The following ZNRF3 variants were observed in gnomAD, a reference collection of about 807,000 sequenced individuals.
ZNRF3 encodes the protein E3 ubiquitin-protein ligase ZNRF3.
In ZNRF3, 23 loss-of-function variants were observed where a neutral mutation model predicts 72.5. That is an observed-to-expected ratio of 0.32 (90% CI 0.23 to 0.45). ZNRF3 has a LOEUF of 0.45. Ranked by LOEUF, ZNRF3 falls within the 20% of genes least tolerant of loss-of-function variation. The probability of loss-of-function intolerance (pLI) is 1.00; values close to 1 mark genes in which losing one functional copy is unlikely to be tolerated. For synonymous variants in ZNRF3, 610 were observed against 545.3 expected (o/e 1.12, Z -1.65); for missense variants, 1,169 against 1,272.1 (o/e 0.92, Z 1.23).
At chr22:28,897,698 T>C (rs1209692491) in intron 1 of ZNRF3, among the ~76,000 whole-genome samples, 2 of 152,234 alleles carry the variant, frequency 1.3e-5, no homozygotes, top group Non-Finnish European at 2.9e-5. Flanking sequence ...TGCTTTCCAC[T>C]GTCTTTTTCC....
chr22:28,957,561 T>TC (rs1292376539), intron 1 of ZNRF3, among the ~76,000 whole-genome samples: 1 of 152,066 alleles, frequency 6.6e-6, no homozygotes, highest in Non-Finnish European at 1.5e-5. Context: ...TGCCCCAGCC[T>TC]CCCAAGTAGC....
intron 1 of ZNRF3, among the ~76,000 whole-genome samples, chr22:28,921,869 G>A: frequency 6.6e-6 from 1 of 152,160 alleles, no homozygotes; most frequent in East Asian, 1.9e-4. Flanking sequence ...ATTAACTAGA[G>A]AGATTTTTAA....
intron 1 of ZNRF3, among the ~76,000 whole-genome samples, chr22:28,902,818 G>A (rs1451194608): frequency 6.6e-6 from 1 of 152,176 alleles, no homozygotes; most frequent in Non-Finnish European, 1.5e-5. Flanking sequence ...GTGGGGATGA[G>A]GTTGAAGAAA....
intron 1 of ZNRF3, among the ~76,000 whole-genome samples, chr22:28,902,578 CTT>C (rs780895912): frequency 7.2e-5 from 11 of 152,122 alleles, no homozygotes; most frequent in Non-Finnish European, 1.3e-4. Flanking sequence ...ATGTTGTAAA[CTT>C]TGCAGAACAA....
chr22:29,008,501 G>A (rs1236194952), intron 2 of ZNRF3, among the ~76,000 whole-genome samples: 1 of 152,208 alleles, frequency 6.6e-6, no homozygotes, highest in Non-Finnish European at 1.5e-5. Context: ...GTGAAGAGGG[G>A]CTTGAAGTTC....
In ZNRF3 at chr22:29,046,986, T is replaced by C. The variant is rs1252449501; in HGVS notation, c.912+103T>C. 3.4e-6 allele frequency: 4 copies of C among 1,161,082 alleles called. No homozygotes were observed. In the African/African-American group the frequency reaches 6.3e-5, roughly 18 times the overall value. The allele number at this position is 1,161,082 out of a possible 1,614,324, so 71.9% of individuals were successfully genotyped here. On this transcript the variant is annotated intron_variant, in intron 6 of 8. Coordinates refer to ENST00000544604, the MANE Select transcript of ZNRF3 (RefSeq NM_001206998.2). Reference sequence around the variant, plus strand: ...AGGGCCCTGTGTTCCATCACACACATCAACTTTTAGAGTCACTCTTCTGAA... The same window carrying C: ...AGGGCCCTGTGTTCCATCACACACACCAACTTTTAGAGTCACTCTTCTGAA...
chr22:28,926,550 G>A (rs965239976), intron 1 of ZNRF3, among the ~76,000 whole-genome samples: 4 of 150,870 alleles, frequency 2.7e-5, no homozygotes, highest in African/African-American at 9.8e-5. Flanking sequence ...GCGCACACCT[G>A]TAATCCCAGC....
At chr22:28,931,674 C>T (rs937674219) in intron 1 of ZNRF3, among the ~76,000 whole-genome samples, 3 of 152,172 alleles carry the variant, frequency 2.0e-5, no homozygotes, top group Admixed American at 6.5e-5. Context: ...TCCACCTACC[C>T]ATCCGTCTGT....
In ZNRF3 at chr22:28,884,061, G is replaced by T; in HGVS notation, c.295G>T (p.Val99Leu). The stretch of plus-strand genomic sequence containing the variant: ...CACGCTCAGCGCCGAGGGCGAGATC[G>T]TGCAGGTAGCTGCCCGCCGCCCGGG... ...GATLSAEGEI[V>L]QMHPLGLCNN... Residue 99 changes from valine (V) to leucine (L), a missense_variant, in exon 1 of 9, where the codon GTG (valine) becomes TTG (leucine). Val to Leu is a conservative substitution (Grantham distance 32). This residue lies in a region of ZNRF3 where 386 missense variants were observed against 540.7 expected (regional missense o/e 0.71). Coordinates refer to ENST00000544604, the MANE Select transcript of ZNRF3 (RefSeq NM_001206998.2). 1 of 1,258,300 alleles carries T rather than the reference G, an allele frequency of 7.9e-7. No homozygotes were observed. The highest frequency in any genetic ancestry group is 3.0e-4 in the Middle Eastern group (1 of 3,288). The allele number at this position is 1,258,300 out of a possible 1,614,324, so 77.9% of individuals were successfully genotyped here.
At chr22:28,955,092 G>T (rs1431319121) in intron 1 of ZNRF3, among the ~76,000 whole-genome samples, 2 of 148,902 alleles carry the variant, frequency 1.3e-5, no homozygotes, top group Non-Finnish European at 3.0e-5. Flanking sequence ...CCAGGCTGGA[G>T]TACAGTGGTG....
chr22:28,925,701 G>A (rs892265062), intron 1 of ZNRF3, among the ~76,000 whole-genome samples: 1 of 152,096 alleles, frequency 6.6e-6, no homozygotes, highest in African/African-American at 2.4e-5. Flanking sequence ...TGCATGTGAT[G>A]GGGTTTTTTG....
At chr22:29,014,098 T>A (rs1185426220) in intron 2 of ZNRF3, among the ~76,000 whole-genome samples, 1 of 152,172 alleles carries the variant, frequency 6.6e-6, no homozygotes, top group Non-Finnish European at 1.5e-5. Context: ...TCTGTCCTGG[T>A]CGTTTCTGTG....
At chr22:28,900,368 A>C (rs898329695) in intron 1 of ZNRF3, among the ~76,000 whole-genome samples, 4 of 152,250 alleles carry the variant, frequency 2.6e-5, no homozygotes, top group Non-Finnish European at 5.9e-5. Context: ...GGAAGGAAAC[A>C]TCCCTGGCAT....
At chr22:28,976,461 G>T (rs1221535133) in intron 1 of ZNRF3, among the ~76,000 whole-genome samples, 1 of 152,130 alleles carries the variant, frequency 6.6e-6, no homozygotes, top group Non-Finnish European at 1.5e-5. Flanking sequence ...AGCCAAGATT[G>T]TGCCTCTACA....
chr22:29,011,444 C>T (rs2036345636), intron 2 of ZNRF3, among the ~76,000 whole-genome samples: 1 of 152,170 alleles, frequency 6.6e-6, no homozygotes. Flanking sequence ...AGGATGCAGC[C>T]TTGGCTGGCA....
intron 1 of ZNRF3, among the ~76,000 whole-genome samples, chr22:28,978,684 G>A (rs1451852663): frequency 6.6e-6 from 1 of 152,148 alleles, no homozygotes; most frequent in Non-Finnish European, 1.5e-5. Context: ...TAATAAAAAA[G>A]AGCATTATCT....
At chr22:29,028,511 G>A (rs1274822114) in intron 2 of ZNRF3, among the ~76,000 whole-genome samples, 1 of 152,170 alleles carries the variant, frequency 6.6e-6, no homozygotes, top group African/African-American at 2.4e-5. Context: ...GGAATATTTG[G>A]AGGTTCAGCA....
chr22:28,972,796 G>A (rs980350962), intron 1 of ZNRF3, among the ~76,000 whole-genome samples: 8 of 152,106 alleles, frequency 5.3e-5, no homozygotes, highest in Non-Finnish European at 1.0e-4. Flanking sequence ...TCTCATTATG[G>A]TTTTGATTTG....
At chr22:28,959,449 T>C (rs1450669980) in intron 1 of ZNRF3, among the ~76,000 whole-genome samples, 1 of 152,240 alleles carries the variant, frequency 6.6e-6, no homozygotes, top group Non-Finnish European at 1.5e-5. Context: ...AAGTTACTCA[T>C]TCACCAAGGC....
Sources: gnomAD v4.1 joint callset for allele counts (sites outside exome capture counted in the v4.1 genomes callset) on GRCh38, gnomAD v4.1.1 for gene constraint, gnomAD v4.1.1 regional missense constraint, MANE v1.5 for transcripts, NCBI Gene and HGNC (gene_info 2026-07-23, HGNC 2026-07-21) for gene names.